FOXN3: variants seen among roughly 807,000 people sequenced by gnomAD.
The protein encoded by FOXN3 is forkhead box N3.
FOXN3 carries 7 observed loss-of-function variants against 38.4 expected under a neutral mutation model. That is an observed-to-expected ratio of 0.18 (90% confidence interval 0.10 to 0.34). The LOEUF is 0.34. FOXN3 is among the 10% of genes least tolerant of loss of function. FOXN3 has a pLI of 1.00. For synonymous variants in FOXN3, 230 were observed against 242.2 expected, an observed-to-expected ratio of 0.95 and a Z score of 0.47; for missense variants, 456 against 613.4, an observed-to-expected ratio of 0.74 and a Z score of 2.71.
At chr14:89,194,162 AAGC>A in intron 4 of FOXN3, among the ~76,000 whole-genome samples, 1 of 152,202 alleles carries the variant, frequency 6.6e-6, no homozygotes, top group East Asian at 1.9e-4. Flanking sequence ...GTCTTTTAAT[AAGC>A]AGAAGTCTTT....
chr14:89,347,900 G>T (rs188769036), intron 3 of FOXN3, among the ~76,000 whole-genome samples: 1 of 152,132 alleles, frequency 6.6e-6, no homozygotes, highest in Admixed American at 6.5e-5. Context: ...GTTGCAGTGA[G>T]CCAAGATTGC....
At chr14:89,515,772 C>T (rs1034530631) in intron 1 of FOXN3, among the ~76,000 whole-genome samples, 8 of 152,114 alleles carry the variant, frequency 5.3e-5, no homozygotes, top group African/African-American at 1.9e-4. Context: ...CAAATGTGCA[C>T]AGTCATTAAA....
chr14:89,382,805 C>T (rs148557370), intron 2 of FOXN3, among the ~76,000 whole-genome samples: 1 of 152,246 alleles, frequency 6.6e-6, no homozygotes, highest in Non-Finnish European at 1.5e-5. Flanking sequence ...GTTTGAGGCA[C>T]AGAAAACACA....
chr14:89,356,642 T>G (rs890723773), intron 2 of FOXN3: 1 of 152,186 alleles, frequency 6.6e-6, no homozygotes, highest in African/African-American at 2.4e-5. Context: ...CACACCATTT[T>G]GGAGGGTGCT....
intron 1 of FOXN3, among the ~76,000 whole-genome samples, chr14:89,478,508 T>G (rs1490580925): frequency 6.6e-6 from 1 of 152,210 alleles, no homozygotes; most frequent in Non-Finnish European, 1.5e-5. Flanking sequence ...AAATACATAT[T>G]TTAATCTTAC....
intron 1 of FOXN3, among the ~76,000 whole-genome samples, chr14:89,595,818 C>G (rs8007760): frequency 0.064 from 9,802 of 152,172 alleles, 763 homozygotes; most frequent in African/African-American, 0.17. Context: ...ATGTTTTTTA[C>G]TTTTTAATGA....
At chr14:89,242,025 G>C (rs909219570) in intron 4 of FOXN3, among the ~76,000 whole-genome samples, 1 of 152,172 alleles carries the variant, frequency 6.6e-6, no homozygotes, top group African/African-American at 2.4e-5. Flanking sequence ...AACTTCTGTT[G>C]CTCCTGGGAA....
chr14:89,230,991 G>A (rs1025845951), intron 4 of FOXN3: 6 of 381,356 alleles, frequency 1.6e-5, no homozygotes, highest in African/African-American at 6.2e-5. Context: ...CTAGCTCTGC[G>A]GGAACATCAG....
chr14:89,614,839 G>A (rs2139960344), intron 1 of FOXN3, among the ~76,000 whole-genome samples: 1 of 152,310 alleles, frequency 6.6e-6, no homozygotes, highest in South Asian at 2.1e-4. Flanking sequence ...GCAAACCATT[G>A]CAAGAAATGG....
intron 4 of FOXN3, among the ~76,000 whole-genome samples, chr14:89,262,902 C>A (rs1885851376): frequency 6.6e-6 from 1 of 152,160 alleles, no homozygotes; most frequent in African/African-American, 2.4e-5. Flanking sequence ...TCAACAAATT[C>A]TGCAGAGAAA....
intron 3 of FOXN3, among the ~76,000 whole-genome samples, chr14:89,337,456 C>T (rs898735829): frequency 1.3e-5 from 2 of 152,058 alleles, no homozygotes; most frequent in Non-Finnish European, 2.9e-5. Flanking sequence ...GGGGTGAAAA[C>T]TTTTCCCATT....
At chr14:89,369,008 G>C (rs1890234899) in intron 2 of FOXN3, among the ~76,000 whole-genome samples, 1 of 152,128 alleles carries the variant, frequency 6.6e-6, no homozygotes, top group Non-Finnish European at 1.5e-5. Context: ...AGTGCCCTCT[G>C]GCCACCATGT....
intron 4 of FOXN3, among the ~76,000 whole-genome samples, chr14:89,207,980 G>T (rs1198852391): frequency 6.6e-6 from 1 of 152,052 alleles, no homozygotes; most frequent in Non-Finnish European, 1.5e-5. Context: ...TCTGCCTTCA[G>T]TGCATGCCTG....
At chr14:89,246,609 G>A (rs945983456) in intron 4 of FOXN3, among the ~76,000 whole-genome samples, 3 of 144,028 alleles carry the variant, frequency 2.1e-5, no homozygotes, top group Admixed American at 1.5e-4. Context: ...GCGTGGTCTC[G>A]GCTCACTGCA....
At chr14:89,360,459 G>A (rs940956278) in intron 2 of FOXN3, among the ~76,000 whole-genome samples, 1 of 150,180 alleles carries the variant, frequency 6.7e-6, no homozygotes, top group Non-Finnish European at 1.5e-5. Flanking sequence ...ATGAGAGGGA[G>A]AGGGAGGGAA....
chr14:89,360,790 C>CCACCACCACCTCCAGCACCACCTCCAG (rs1889507945), intron 2 of FOXN3, among the ~76,000 whole-genome samples: 1 of 66,998 alleles, frequency 1.5e-5, no homozygotes, highest in Admixed American at 1.7e-4. Context: ...ACCACCTCCA[C>CCACCACCACCTCCAGCACCACCTCCAG]CACCACCACC....
chr14:89,288,036 G>A (rs1886687241), intron 3 of FOXN3, among the ~76,000 whole-genome samples: 1 of 140,038 alleles, frequency 7.1e-6, no homozygotes, highest in Non-Finnish European at 1.5e-5. Context: ...ACTCCAGCCT[G>A]GGCAACAGAG....
chr14:89,239,111 C>T (rs567602071), intron 4 of FOXN3, among the ~76,000 whole-genome samples: 3 of 152,292 alleles, frequency 2.0e-5, no homozygotes, highest in African/African-American at 7.2e-5. Flanking sequence ...ACTCCGCCCC[C>T]CTCTTCCCTC....
At chr14:89,183,460 G>A (rs1400182613) in intron 4 of FOXN3, among the ~76,000 whole-genome samples, 5 of 152,070 alleles carry the variant, frequency 3.3e-5, no homozygotes, top group African/African-American at 1.2e-4. Flanking sequence ...AGAGGGAGGG[G>A]GAGATAGAGC....
Sources: allele counts gnomAD v4.1 joint callset (sites outside exome capture counted in the v4.1 genomes callset), GRCh38; gene constraint gnomAD v4.1.1; transcripts MANE v1.5; gene names NCBI Gene and HGNC (gene_info 2026-07-23, HGNC 2026-07-21).